Variants in FRMD4B observed in about 807,000 individuals in gnomAD.
FRMD4B encodes the protein FERM domain containing 4B.
FRMD4B carries 74 observed loss-of-function variants against 141.5 expected under a neutral mutation model. The ratio of observed to expected loss-of-function variants is 0.52; its 90% CI spans 0.43 to 0.63. The LOEUF is 0.63. FRMD4B is among the 30% of genes least tolerant of loss of function. The pLI, the probability that FRMD4B is intolerant of heterozygous loss-of-function variation, is 0.00. For synonymous variants in FRMD4B, 506 were observed against 467.9 expected, an observed-to-expected ratio of 1.08 and a Z score of -1.05; for missense variants, 1,366 against 1,253.4, an observed-to-expected ratio of 1.09 and a Z score of -1.36.
At chr3:69,491,518 A>C (rs1706300861) in intron 1 of FRMD4B, among the ~76,000 whole-genome samples, 1 of 152,226 alleles carries the variant, frequency 6.6e-6, no homozygotes, top group South Asian at 2.1e-4. Flanking sequence ...CAATTAAAGA[A>C]AACTTTACAT....
chr3:69,175,531 C>T (rs1395590900), intron 22 of FRMD4B, among the ~76,000 whole-genome samples: 1 of 152,264 alleles, frequency 6.6e-6, no homozygotes, highest in East Asian at 1.9e-4. Flanking sequence ...ATAAAAAACG[C>T]AGCAAATGTT....
chr3:69,265,841 G>T (rs188202421), intron 5 of FRMD4B, among the ~76,000 whole-genome samples: 7 of 152,192 alleles, frequency 4.6e-5, no homozygotes, highest in African/African-American at 1.7e-4. Flanking sequence ...AAAAATGGTT[G>T]ATTCCAAGGC....
chr3:69,218,344 C>T lies in FRMD4B; in HGVS notation c.767G>A (p.Gly256Asp). ...TACCTTTACTGCATAATAATGGACACCGTAAGTCGGTAGAGCTTCTACTAT... is the reference window on the plus strand; with the variant it reads ...TACCTTTACTGCATAATAATGGACATCGTAAGTCGGTAGAGCTTCTACTAT... Reference protein sequence around the residue: ...MKIVEALPTYGVHYYAVKDKQ... With the variant: ...MKIVEALPTYDVHYYAVKDKQ... The change falls in exon 10 of 23, where the codon GGT becomes GAT. Residue 256 changes from glycine (G) to aspartate (D), a missense_variant. Transcript: ENST00000398540. 1 of 1,511,520 alleles carries T rather than the reference C, an allele frequency of 6.6e-7. No homozygotes were observed. Among genetic ancestry groups the T allele is most frequent in the Non-Finnish European group, 9.2e-7 (1 of 1,091,580 alleles). The allele number at this position is 1,511,520 out of a possible 1,614,324, so 93.6% of individuals were successfully genotyped here. A position where few individuals can be genotyped will look rare whatever the true frequency, so the allele number is the denominator to read the frequency against.
intron 2 of FRMD4B, among the ~76,000 whole-genome samples, chr3:69,418,532 G>A (rs1176089180): frequency 2.6e-5 from 4 of 152,216 alleles, no homozygotes; most frequent in Admixed American, 1.3e-4. Flanking sequence ...CATCTTAGCA[G>A]ATTAGAGCGA....
intron 7 of FRMD4B, among the ~76,000 whole-genome samples, chr3:69,241,868 CAAA>C (rs555236685): frequency 7.0e-6 from 1 of 142,506 alleles, no homozygotes; most frequent in Non-Finnish European, 1.5e-5. Flanking sequence ...GGATCCATCT[CAAA>C]AAAACAAAAC....
At chr3:69,265,903 A>G (rs567085075) in intron 5 of FRMD4B, among the ~76,000 whole-genome samples, 2 of 152,156 alleles carry the variant, frequency 1.3e-5, no homozygotes, top group Non-Finnish European at 2.9e-5. Context: ...ATGTCATAAA[A>G]TAAAGAAGTG....
At chr3:69,366,662 T>G (rs1703666871) in intron 1 of FRMD4B, among the ~76,000 whole-genome samples, 1 of 152,244 alleles carries the variant, frequency 6.6e-6, no homozygotes, top group African/African-American at 2.4e-5. Flanking sequence ...TATTAACATA[T>G]GTTGCTTTAA....
intron 4 of FRMD4B, among the ~76,000 whole-genome samples, chr3:69,299,269 A>C (rs766838836): frequency 6.6e-6 from 1 of 152,174 alleles, no homozygotes; most frequent in Non-Finnish European, 1.5e-5. Flanking sequence ...AACTTCAAAA[A>C]ACCTCAATGT....
chr3:69,458,538 G>T (rs1205430329), intron 1 of FRMD4B, among the ~76,000 whole-genome samples: 1 of 152,106 alleles, frequency 6.6e-6, no homozygotes. Context: ...GAACATGGAA[G>T]GTGGACATTT....
In FRMD4B at chr3:69,170,894, C is replaced by T. The variant is rs2092579737; in HGVS notation, c.*967G>A. 6.6e-6 allele frequency: 1 copy of T among 152,066 alleles called. No individual in the cohort carries two copies. Among genetic ancestry groups the T allele is most frequent in the African/African-American group, 2.4e-5 (1 of 41,410 alleles). The allele number at this position is 152,066 out of a possible 1,614,324, so 9.4% of individuals were successfully genotyped here. On this transcript the variant is annotated 3_prime_UTR_variant, in exon 23 of 23. Coordinates refer to ENST00000398540, the MANE Select transcript of FRMD4B (RefSeq NM_015123.3). The stretch of plus-strand genomic sequence containing the variant: ...CAGACTTGTTTAATTTTCTAACGTT[C>T]ACCATTTTAAGGCACGCAATTCATC...
At chr3:69,427,876 G>C (rs1400865077) in intron 2 of FRMD4B, among the ~76,000 whole-genome samples, 1 of 151,392 alleles carries the variant, frequency 6.6e-6, no homozygotes, top group Non-Finnish European at 1.5e-5. Context: ...GGCTGGTCTC[G>C]AACTCCTGAC....
intron 1 of FRMD4B, among the ~76,000 whole-genome samples, chr3:69,354,609 A>G (rs1289970893): frequency 2.0e-5 from 3 of 152,146 alleles, no homozygotes; most frequent in Non-Finnish European, 4.4e-5. Flanking sequence ...CTCCTTCAGG[A>G]GTGCTGGGGA....
intron 9 of FRMD4B, among the ~76,000 whole-genome samples, chr3:69,220,085 T>C (rs7611476): frequency 0.14 from 22,067 of 152,196 alleles, 2,041 homozygotes; most frequent in African/African-American, 0.26. Flanking sequence ...CAGTCACACA[T>C]TGCTTAACAA....
chr3:69,465,775 T>G (rs1191758390), intron 1 of FRMD4B, among the ~76,000 whole-genome samples: 1 of 152,258 alleles, frequency 6.6e-6, no homozygotes, highest in African/African-American at 2.4e-5. Flanking sequence ...CCATATTTTC[T>G]TTATCCAGTC....
At chr3:69,182,854 G>T in intron 19 of FRMD4B, 137 bp from the exon 20 acceptor site, 2 of 786,386 alleles carry the variant, frequency 2.5e-6, no homozygotes, top group Non-Finnish European at 4.1e-6. Context: ...GAGTGTCTTT[G>T]TGGTTCACTA....
At chr3:69,237,813 C>T (rs2093355790) in intron 7 of FRMD4B, among the ~76,000 whole-genome samples, 1 of 152,194 alleles carries the variant, frequency 6.6e-6, no homozygotes, top group Non-Finnish European at 1.5e-5. Context: ...TGACTGCAAC[C>T]TCTGCCTCCT....
upstream of FRMD4B, among the ~76,000 whole-genome samples, chr3:69,387,289 A>AT (rs1414514058): frequency 4.6e-5 from 7 of 151,906 alleles, no homozygotes; most frequent in Non-Finnish European, 8.8e-5. Context: ...TATTATCATT[A>AT]TTTTTTTTGT....
chr3:69,384,567 T>G (rs1029324413), intron 1 of FRMD4B, among the ~76,000 whole-genome samples: 12 of 152,186 alleles, frequency 7.9e-5, no homozygotes, highest in African/African-American at 2.7e-4. Flanking sequence ...ATGGGATATA[T>G]CCACAATTCC....
intron 2 of FRMD4B, among the ~76,000 whole-genome samples, chr3:69,399,583 T>C (rs771915378): frequency 6.6e-6 from 1 of 152,236 alleles, no homozygotes; most frequent in Non-Finnish European, 1.5e-5. Context: ...TTTTGCCTCA[T>C]TACAGAGAGC....
Sources: allele counts gnomAD v4.1 joint callset (sites outside exome capture counted in the v4.1 genomes callset), GRCh38; gene constraint gnomAD v4.1.1; transcripts MANE v1.5; gene names NCBI Gene and HGNC (gene_info 2026-07-23, HGNC 2026-07-21).